The following RWDD2A variants were observed in gnomAD, a reference collection of about 807,000 sequenced individuals.
RWDD2A encodes the protein RWD domain containing 2A, also known as RWD domain-containing protein 2A.
In RWDD2A, 15 loss-of-function variants were observed where a neutral mutation model predicts 23.1. The observed-to-expected ratio is 0.65, with a 90% confidence interval of 0.43 to 1.00. The LOEUF (loss-of-function observed/expected upper bound fraction) is 1.00. Ranked by LOEUF, RWDD2A falls within the 50% of genes least tolerant of loss-of-function variation. The probability of loss-of-function intolerance (pLI) is 0.00; values close to 1 mark genes in which losing one functional copy is unlikely to be tolerated. For synonymous variants in RWDD2A, 103 were observed against 123.0 expected, an observed-to-expected ratio of 0.84 and a Z score of 1.08; for missense variants, 310 against 341.7, an observed-to-expected ratio of 0.91 and a Z score of 0.73.
At position 83,198,115 on chromosome 6, in the gene RWDD2A, T is replaced by C. The variant is rs2128520179; in HGVS notation, c.*1843T>C. On this transcript the variant is annotated 3_prime_UTR_variant, in exon 3 of 3. Transcript: ENST00000369724. ...GTATAGGAATCTTTTTCCCCCACAG[T>C]CTCCACAAAGCTATCAATAAGTATA... is the stretch of plus-strand genomic sequence containing the variant. 1 of 152,288 alleles carries C rather than the reference T, an allele frequency of 6.6e-6. No individual in the cohort carries two copies. The highest frequency in any genetic ancestry group is 1.9e-4 in the East Asian group (1 of 5,184). 9.4% of individuals were successfully genotyped at this position (152,288 alleles called of 1,614,324 possible).
In RWDD2A at chr6:83,196,520, T is replaced by TA. The variant is rs1250469458; in HGVS notation, c.*253dup. The stretch of plus-strand genomic sequence containing the variant: ...CAAAAACTATTTCATTGTAAATTAA[T>TA]AAAAACAATCCATTTAACTTGTGAA... On this transcript the variant is annotated 3_prime_UTR_variant, in exon 3 of 3. Coordinates refer to ENST00000369724, the MANE Select transcript of RWDD2A (RefSeq NM_033411.5). 3.7e-6 allele frequency: 1 copy of TA among 266,808 alleles called. No individual in the cohort carries two copies. The highest frequency in any genetic ancestry group is 7.0e-6 in the Non-Finnish European group (1 of 143,424). 16.5% of individuals were successfully genotyped at this position (266,808 alleles called of 1,614,324 possible).
At position 83,195,626 on chromosome 6, in the gene RWDD2A, A is replaced by G; in HGVS notation, c.233A>G (p.His78Arg). 1 of 1,612,344 alleles carries G rather than the reference A, an allele frequency of 6.2e-7. No homozygotes were observed. The highest frequency in any genetic ancestry group is 8.5e-7 in the Non-Finnish European group (1 of 1,178,580). Residue 78 changes from histidine (H) to arginine (R), a missense_variant, in exon 3 of 3, where the codon CAC (histidine) becomes CGC (arginine). His to Arg is a conservative substitution (Grantham distance 29, BLOSUM62 0). Coordinates refer to ENST00000369724, the MANE Select transcript of RWDD2A (RefSeq NM_033411.5). ...VKIDLQVTMPHSYPYVALQLF... is the reference protein window; with the variant it reads ...VKIDLQVTMPRSYPYVALQLF... ...ATTGATTTGCAAGTGACCATGCCTCACAGCTACCCCTATGTAGCATTGCAG... is the reference window on the plus strand; with the variant it reads ...ATTGATTTGCAAGTGACCATGCCTCGCAGCTACCCCTATGTAGCATTGCAG...
chr6:83,195,995 A>C lies in RWDD2A; in HGVS notation c.602A>C (p.Lys201Thr). The change falls in exon 3 of 3, where the codon AAA (lysine) becomes ACA (threonine). Residue 201 changes from lysine to threonine, a missense_variant. Coordinates refer to ENST00000369724, the MANE Select transcript of RWDD2A (RefSeq NM_033411.5). ...KPGIICVEGF[K>T]EHCEEFWHTI... ...GGTATAATCTGTGTGGAGGGTTTCA[A>C]AGAGCACTGTGAGGAGTTCTGGCAC... is the stretch of plus-strand genomic sequence containing the variant. The C allele has an allele frequency of 6.2e-7, 1 of 1,614,224 alleles. No homozygotes were observed. Among genetic ancestry groups the C allele is most frequent in the Non-Finnish European group, 8.5e-7 (1 of 1,180,036 alleles).
At position 83,196,280 on chromosome 6, in the gene RWDD2A, T is replaced by C. The variant is rs1789586407; in HGVS notation, c.*8T>C. The C allele has an allele frequency of 6.5e-7, 1 of 1,529,736 alleles. No homozygotes were observed. Among genetic ancestry groups the C allele is most frequent in the African/African-American group, 1.4e-5 (1 of 71,990 alleles). 94.8% of individuals were successfully genotyped at this position (1,529,736 alleles called of 1,614,324 possible). A position where few individuals can be genotyped will look rare whatever the true frequency, so the allele number is the denominator to read the frequency against. ...AAAAGTTCAGACTCATAAAAAGCGA[T>C]TAAGAGGCCTATGCCTGTAATTTCA... is the stretch of plus-strand genomic sequence containing the variant. On this transcript the variant is annotated 3_prime_UTR_variant, in exon 3 of 3. Coordinates refer to ENST00000369724, the MANE Select transcript of RWDD2A (RefSeq NM_033411.5).
At chr6:83,195,486 TG>T in intron 2 of RWDD2A, 108 bp from the exon 3 acceptor site, 1 of 870,672 alleles carries the variant, frequency 1.1e-6, no homozygotes, top group Non-Finnish European at 1.8e-6. Context: ...GTAAAGTACC[TG>T]GTACATTTAA....
rs1250792675 is a variant in RWDD2A, at chr6:83,196,634, G to GT, written c.*365dup. On this transcript the variant is annotated 3_prime_UTR_variant, in exon 3 of 3. Coordinates refer to ENST00000369724, the MANE Select transcript of RWDD2A (RefSeq NM_033411.5). ...GAATTGAGAAATATGAATAGCATTT[G>GT]TTTCACATTGCTAGCACACATGTGA... 2 of 156,626 alleles carry GT rather than the reference G, an allele frequency of 1.3e-5. No homozygotes were observed. The highest frequency in any genetic ancestry group is 4.8e-5 in the African/African-American group (2 of 41,616). The allele number at this position is 156,626 out of a possible 1,614,324, so 9.7% of individuals were successfully genotyped here. A position where few individuals can be genotyped will look rare whatever the true frequency, so the allele number is the denominator to read the frequency against.
Position 83,196,147 on chromosome 6 carries a change from G to T in RWDD2A, c.754G>T (p.Asp252Tyr). 6.2e-7 allele frequency: 1 copy of T among 1,614,006 alleles called. No individual in the cohort carries two copies. Among genetic ancestry groups the T allele is most frequent in the South Asian group, 1.1e-5 (1 of 90,996 alleles). Residue 252 changes from aspartate (D) to tyrosine (Y), a missense_variant, in exon 3 of 3, where the codon GAC becomes TAC. Coordinates refer to ENST00000369724, the MANE Select transcript of RWDD2A (RefSeq NM_033411.5). Reference sequence around the variant, plus strand: ...AGAGTTACTCCTTGAGGCTCATGGTGACTATGGATTAAGGAATGACTATCA... The same window carrying T: ...AGAGTTACTCCTTGAGGCTCATGGTTACTATGGATTAAGGAATGACTATCA... Reference protein sequence around the residue: ...FEELLLEAHGDYGLRNDYHMN... With the variant: ...FEELLLEAHGYYGLRNDYHMN...
Position 83,195,596 on chromosome 6 carries a change from T to G in RWDD2A, c.203T>G (p.Val68Gly). 5 of 1,602,496 alleles carry G rather than the reference T, an allele frequency of 3.1e-6. No individual in the cohort carries two copies. Among genetic ancestry groups the G allele is most frequent in the Non-Finnish European group, 4.3e-6 (5 of 1,170,890 alleles). Residue 68 changes from valine to glycine, a missense_variant and splice_region_variant, in exon 3 of 3, where the codon GTG becomes GGG. Val to Gly is a moderately radical substitution (Grantham distance 109). Transcript: ENST00000369724. Reference sequence around the variant, plus strand: ...AATCTATTTGATTTTCATTTTAAGGTGAAAATTGATTTGCAAGTGACCATG... The same window carrying G: ...AATCTATTTGATTTTCATTTTAAGGGGAAAATTGATTTGCAAGTGACCATG... The part of the protein sequence containing the change: ...VITLQIEEPK[V>G]KIDLQVTMPH...
chr6:83,195,052 A>C (rs1789510242), intron 2 of RWDD2A, among the ~76,000 whole-genome samples: 2 of 152,204 alleles, frequency 1.3e-5, no homozygotes, highest in Non-Finnish European at 2.9e-5. Context: ...GAAAAATCTA[A>C]AGACTAAAAA....
chr6:83,195,609 G>A lies in RWDD2A; in HGVS notation c.216G>A (p.Leu72=). The part of the protein sequence containing the change: ...QIEEPKVKID[L]QVTMPHSYPY... The stretch of plus-strand genomic sequence containing the variant: ...TTCATTTTAAGGTGAAAATTGATTT[G>A]CAAGTGACCATGCCTCACAGCTACC... The change falls in exon 3 of 3, where the codon TTG becomes TTA. Residue 72 remains leucine, a synonymous_variant. Coordinates refer to ENST00000369724, the MANE Select transcript of RWDD2A (RefSeq NM_033411.5). The A allele has an allele frequency of 6.2e-7, 1 of 1,607,090 alleles. No individual in the cohort carries two copies. The highest frequency in any genetic ancestry group is 8.5e-7 in the Non-Finnish European group (1 of 1,174,406).
Position 83,196,346 on chromosome 6 carries a change from C to A in RWDD2A, c.*74C>A. The A allele has an allele frequency of 7.8e-7, 1 of 1,287,882 alleles. No homozygotes were observed. Among genetic ancestry groups the A allele is most frequent in the Non-Finnish European group, 1.1e-6 (1 of 946,636 alleles). The allele number at this position is 1,287,882 out of a possible 1,614,324, so 79.8% of individuals were successfully genotyped here. A position where few individuals can be genotyped will look rare whatever the true frequency, so the allele number is the denominator to read the frequency against. ...TGTTAATAAGACCAAATTAAAAAGG[C>A]TAGTGGCTGTGTAGCATCCTCAGTG... is the stretch of plus-strand genomic sequence containing the variant. On this transcript the variant is annotated 3_prime_UTR_variant, in exon 3 of 3. Transcript: ENST00000369724.
In RWDD2A at chr6:83,198,641, T is replaced by A. The variant is rs750279304; in HGVS notation, c.*2369T>A. 1.3e-5 allele frequency: 2 copies of A among 152,166 alleles called. No individual in the cohort carries two copies. The highest frequency in any genetic ancestry group is 2.9e-5 in the Non-Finnish European group (2 of 68,038). The allele number at this position is 152,166 out of a possible 1,614,324, so 9.4% of individuals were successfully genotyped here. On this transcript the variant is annotated 3_prime_UTR_variant, in exon 3 of 3. Transcript: ENST00000369724. ...GGAAGAGAAAGTGATAGGAATCAAGTTGTCCTCTGGCAGCCTCCTGGAGAG... is the reference window on the plus strand; with the variant it reads ...GGAAGAGAAAGTGATAGGAATCAAGATGTCCTCTGGCAGCCTCCTGGAGAG...
rs1302729095 is a variant in RWDD2A at position 83,194,540 on chromosome 6, A to T, written c.89A>T (p.Lys30Ile). 1 of 1,614,072 alleles carries T rather than the reference A, an allele frequency of 6.2e-7. No individual in the cohort carries two copies. The highest frequency in any genetic ancestry group is 8.5e-7 in the Non-Finnish European group (1 of 1,179,992). The change falls in exon 2 of 3, where the codon AAA (lysine) becomes ATA (isoleucine). Residue 30 changes from lysine (K) to isoleucine (I), a missense_variant. By Grantham distance (102) the Lys-to-Ile change is moderately radical. Coordinates refer to ENST00000369724, the MANE Select transcript of RWDD2A (RefSeq NM_033411.5). ...ATGTTTCCTAACCAAGGAGAAGTAA[A>T]ACTTGAAGATGTAAATGCCCTGACG... ...FSMFPNQGEV[K>I]LEDVNALTNI...
At position 83,195,678 on chromosome 6, in the gene RWDD2A, C is replaced by G. The variant is rs964341717; in HGVS notation, c.285C>G (p.Asp95Glu). The G allele has an allele frequency of 6.2e-7, 1 of 1,614,214 alleles. No homozygotes were observed. The highest frequency in any genetic ancestry group is 1.3e-5 in the African/African-American group (1 of 75,050). Residue 95 changes from aspartate to glutamate, a missense_variant, in exon 3 of 3, where the codon GAC becomes GAG. Transcript: ENST00000369724. ...TGTTTGGACGGTCATCTGAACTTGA[C>G]AGACATCAGCAGCTACTTCTCAACA... ...LQLFGRSSEL[D>E]RHQQLLLNKG...
rs940729895 is a variant in RWDD2A, at chr6:83,198,551, C to G, written c.*2279C>G. ...GAGCACATAATAAAAGTCCGTCATT[C>G]CCCAACCCCCTCCCCCTACACACAC... On this transcript the variant is annotated 3_prime_UTR_variant, in exon 3 of 3. Transcript: ENST00000369724. 4.6e-5 allele frequency: 7 copies of G among 152,108 alleles called. No homozygotes were observed. The highest frequency in any genetic ancestry group is 1.0e-4 in the Non-Finnish European group (7 of 68,028). The allele number at this position is 152,108 out of a possible 1,614,324, so 9.4% of individuals were successfully genotyped here.
intron 2 of RWDD2A, 23 bp downstream of exon 2, chr6:83,194,675 T>C (rs943488248): frequency 1.3e-6 from 2 of 1,578,664 alleles, no homozygotes; most frequent in African/African-American, 1.4e-5. Flanking sequence ...ATTTAAGTGT[T>C]TGCCAGGTGC....
chr6:83,194,354 G>A lies in RWDD2A; in HGVS notation c.-98G>A. The A allele has an allele frequency of 9.4e-7, 1 of 1,061,232 alleles. No individual in the cohort carries two copies. Among genetic ancestry groups the A allele is most frequent in the Non-Finnish European group, 1.4e-6 (1 of 734,296 alleles). The allele number at this position is 1,061,232 out of a possible 1,614,324, so 65.7% of individuals were successfully genotyped here. On this transcript the variant is annotated 5_prime_UTR_variant, in exon 2 of 3. Transcript: ENST00000369724. ...TCCTGCAGAATTGCTTCCACGTAAA[G>A]GGACCTTCGGGAAATTTCGCTGGAT... is the stretch of plus-strand genomic sequence containing the variant.
In RWDD2A at chr6:83,198,626, G is replaced by GTGAT. The variant is rs1158784344; in HGVS notation, c.*2355_*2358dup. ...TCCCTGTGTGATTTGGGAAGAGAAAGTGATAGGAATCAAGTTGTCCTCTGG... is the reference window on the plus strand; with the variant it reads ...TCCCTGTGTGATTTGGGAAGAGAAAGTGATTGATAGGAATCAAGTTGTCCTCTGG... On this transcript the variant is annotated 3_prime_UTR_variant, in exon 3 of 3. Coordinates refer to ENST00000369724, the MANE Select transcript of RWDD2A (RefSeq NM_033411.5). 6.6e-6 allele frequency: 1 copy of GTGAT among 152,156 alleles called. No individual in the cohort carries two copies. The highest frequency in any genetic ancestry group is 1.5e-5 in the Non-Finnish European group (1 of 68,042). 9.4% of individuals were successfully genotyped at this position (152,156 alleles called of 1,614,324 possible). A position where few individuals can be genotyped will look rare whatever the true frequency, so the allele number is the denominator to read the frequency against.
At chr6:83,193,969 A>G (rs1028763233) in intron 1 of RWDD2A, 1 of 152,226 alleles carries the variant, frequency 6.6e-6, no homozygotes, top group African/African-American at 2.4e-5. Context: ...GCGCTGGGGA[A>G]CTCGGAGCCC....
Sources: gnomAD v4.1 joint callset for allele counts (sites outside exome capture counted in the v4.1 genomes callset) on GRCh38, gnomAD v4.1.1 for gene constraint, MANE v1.5 for transcripts, NCBI Gene and HGNC (gene_info 2026-07-23, HGNC 2026-07-21) for gene names.